The following PSD3 variants were observed in gnomAD, a reference collection of about 807,000 sequenced individuals.
The protein encoded by PSD3 is PH and SEC7 domain-containing protein 3.
PSD3 carries 49 observed loss-of-function variants against 105.5 expected under a neutral mutation model. The observed-to-expected ratio is 0.46, with a 90% CI of 0.37 to 0.59. The LOEUF is 0.59. Among genes scored for constraint, PSD3 ranks in the 20% least tolerant of loss-of-function variants. PSD3 has a pLI of 0.00. For missense variants in PSD3, 1,561 were observed against 1,263.8 expected (o/e 1.24, Z -3.57); for synonymous variants, 557 against 457.8 (o/e 1.22, Z -2.77).
At chr8:18,857,138 C>T (rs184073514) in intron 4 of PSD3, among the ~76,000 whole-genome samples, 45 of 152,342 alleles carry the variant, frequency 3.0e-4, no homozygotes, top group Non-Finnish European at 4.4e-5. Flanking sequence ...CTTTCCCAAA[C>T]CTCTGTTAGG....
At chr8:18,727,020 C>A (rs1396610917) in intron 9 of PSD3, among the ~76,000 whole-genome samples, 6 of 151,980 alleles carry the variant, frequency 3.9e-5, no homozygotes, top group Admixed American at 3.9e-4. Flanking sequence ...ATGACAAAAC[C>A]CCATCTCTAC....
At chr8:18,772,519 T>C (rs1179367594) in intron 8 of PSD3, among the ~76,000 whole-genome samples, 2 of 152,160 alleles carry the variant, frequency 1.3e-5, no homozygotes, top group Admixed American at 6.5e-5. Context: ...TCTTTTATTC[T>C]TTTTTTGAAA....
At chr8:18,808,907 A>C in intron 4 of PSD3, 1 of 1,545,986 alleles carries the variant, frequency 6.5e-7, no homozygotes. Context: ...GCTCCCTGTG[A>C]GGTCACACTA....
chr8:18,891,194 C>G (rs1818762539), intron 2 of PSD3, among the ~76,000 whole-genome samples: 3 of 152,050 alleles, frequency 2.0e-5, no homozygotes, highest in Admixed American at 2.0e-4. Context: ...CTGTTAGGTA[C>G]TCTATAAATT....
intron 10 of PSD3, among the ~76,000 whole-genome samples, chr8:18,640,634 G>C (rs949801748): frequency 2.0e-5 from 3 of 152,158 alleles, no homozygotes; most frequent in African/African-American, 4.8e-5. Context: ...CACCTCTGCG[G>C]AACTGTGAGT....
chr8:18,639,064 C>G (rs1206331862), intron 10 of PSD3, among the ~76,000 whole-genome samples: 1 of 152,140 alleles, frequency 6.6e-6, no homozygotes, highest in Non-Finnish European at 1.5e-5. Context: ...CTACTTTAGG[C>G]AAAATAGAAA....
intron 15 of PSD3, among the ~76,000 whole-genome samples, chr8:18,543,556 T>C (rs1800271342): frequency 1.3e-5 from 2 of 151,836 alleles, no homozygotes; most frequent in South Asian, 4.2e-4. Context: ...AGGCGGAGCT[T>C]GTAGTGAGCT....
intron 2 of PSD3, among the ~76,000 whole-genome samples, chr8:18,912,733 G>C (rs1586403784): frequency 6.6e-6 from 1 of 152,176 alleles, no homozygotes; most frequent in Admixed American, 6.5e-5. Flanking sequence ...TTGAAGTTCA[G>C]AGAAAGCAGT....
rs746681362 is a variant in PSD3 at position 18,804,800 on chromosome 8, G to C, written c.1733C>G (p.Thr578Ser). The change falls in exon 5 of 16, where the codon ACC becomes AGC. Residue 578 changes from threonine (T) to serine (S), a missense_variant. Transcript: ENST00000327040. Reference protein sequence around the residue: ...KETPENLSNGTSSNVEAAKRL... With the variant: ...KETPENLSNGSSSNVEAAKRL... ...TTTGGCTGCTTCCACATTGCTGCTG[G>C]TACCATTACTGAGATTTTCTGGGGT... The C allele has an allele frequency of 1.9e-6, 3 of 1,614,030 alleles. No individual in the cohort carries two copies. The highest frequency in any genetic ancestry group is 2.5e-6 in the Non-Finnish European group (3 of 1,179,948).
chr8:18,625,452 C>G (rs1806411795), intron 11 of PSD3, among the ~76,000 whole-genome samples: 2 of 152,040 alleles, frequency 1.3e-5, no homozygotes, highest in South Asian at 4.1e-4. Context: ...GCTGTGAAAA[C>G]TATGGTCAAC....
chr8:18,746,686 TAAA>T (rs1169521621), intron 9 of PSD3, among the ~76,000 whole-genome samples: 2 of 152,250 alleles, frequency 1.3e-5, no homozygotes, highest in Non-Finnish European at 2.9e-5. Flanking sequence ...GGCATACAGT[TAAA>T]AAACTGTTTT....
intron 9 of PSD3, among the ~76,000 whole-genome samples, chr8:18,752,191 T>C (rs1353963426): frequency 6.6e-6 from 1 of 151,518 alleles, no homozygotes; most frequent in Non-Finnish European, 1.5e-5. Flanking sequence ...AAATAAAAAA[T>C]TATGCATATA....
At chr8:18,931,140 G>A (rs1177915130) in intron 2 of PSD3, among the ~76,000 whole-genome samples, 1 of 151,480 alleles carries the variant, frequency 6.6e-6, no homozygotes, top group African/African-American at 2.4e-5. Flanking sequence ...TTCCCTTAGG[G>A]GATTTTCCTT....
chr8:18,701,301 G>A (rs1396746560), intron 9 of PSD3, among the ~76,000 whole-genome samples: 1 of 152,064 alleles, frequency 6.6e-6, no homozygotes, highest in African/African-American at 2.4e-5. Context: ...TATACTGTAA[G>A]TAAAATAGTT....
At chr8:18,668,037 G>A (rs954465793) in intron 9 of PSD3, among the ~76,000 whole-genome samples, 11 of 152,110 alleles carry the variant, frequency 7.2e-5, no homozygotes, top group Non-Finnish European at 7.4e-5. Context: ...AGCTCCGCGC[G>A]CAACCCGGGT....
intron 11 of PSD3, among the ~76,000 whole-genome samples, chr8:18,614,411 ATTTT>A (rs200955910): frequency 7.1e-6 from 1 of 140,082 alleles, no homozygotes; most frequent in Non-Finnish European, 1.5e-5. Flanking sequence ...ATTACCGGGA[ATTTT>A]TTTTTTTTTA....
chr8:18,701,731 A>G (rs936454054), intron 9 of PSD3, among the ~76,000 whole-genome samples: 17 of 152,206 alleles, frequency 1.1e-4, no homozygotes, highest in Non-Finnish European at 2.5e-4. Flanking sequence ...TAATATTTGG[A>G]GTATGACTTT....
intron 4 of PSD3, among the ~76,000 whole-genome samples, chr8:18,842,284 C>T (rs528159682): frequency 1.3e-5 from 2 of 152,324 alleles, no homozygotes; most frequent in African/African-American, 4.8e-5. Context: ...TGCACAGTTC[C>T]AAAGTCTACA....
chr8:18,666,724 T>TGGGGGG (rs1339897600), intron 9 of PSD3, among the ~76,000 whole-genome samples: 1 of 136,408 alleles, frequency 7.3e-6, no homozygotes, highest in Non-Finnish European at 1.5e-5. Context: ...TGCTTTTTTT[T>TGGGGGG]GGGGGGTGGG....
Sources: gnomAD v4.1 joint callset for allele counts (sites outside exome capture counted in the v4.1 genomes callset) on GRCh38, gnomAD v4.1.1 for gene constraint, MANE v1.5 for transcripts, NCBI Gene and HGNC (gene_info 2026-07-23, HGNC 2026-07-21) for gene names.